Variants in CDH8 observed in about 807,000 individuals in gnomAD.
CDH8 encodes the protein cadherin-8.
In CDH8, 17 loss-of-function variants were observed where a neutral mutation model predicts 68.1. That is an observed-to-expected ratio of 0.25 (90% CI 0.17 to 0.37). The LOEUF (loss-of-function observed/expected upper bound fraction) is 0.37, where lower values mean the gene tolerates loss of function less well. CDH8 is among the 10% of genes least tolerant of loss of function. The pLI, the probability that CDH8 is intolerant of heterozygous loss-of-function variation, is 1.00. For missense variants in CDH8, 763 were observed against 999.3 expected (o/e 0.76, Z 3.19); for synonymous variants, 372 against 365.1 (o/e 1.02, Z -0.21).
chr16:61,998,239 G>GTAT (rs960575609), intron 2 of CDH8, among the ~76,000 whole-genome samples: 8 of 152,226 alleles, frequency 5.3e-5, no homozygotes, highest in South Asian at 4.1e-4. Context: ...TGAGATTCTT[G>GTAT]TATTATTATT....
At chr16:61,801,665 G>A (rs1424376864) in intron 7 of CDH8, among the ~76,000 whole-genome samples, 2 of 152,302 alleles carry the variant, frequency 1.3e-5, no homozygotes, top group African/African-American at 4.8e-5. Context: ...AAGCGCAAGG[G>A]GTCAGGGAGT....
At chr16:61,788,265 T>A (rs1018939358) in intron 8 of CDH8, among the ~76,000 whole-genome samples, 2 of 152,124 alleles carry the variant, frequency 1.3e-5, no homozygotes, top group Non-Finnish European at 2.9e-5. Context: ...AGTAATCATT[T>A]TTCACAGAGA....
chr16:61,944,543 A>T (rs1482893422), intron 2 of CDH8, among the ~76,000 whole-genome samples: 1 of 152,186 alleles, frequency 6.6e-6, no homozygotes, highest in Non-Finnish European at 1.5e-5. Context: ...TAAAATCAGG[A>T]ATAATTTTGG....
intron 2 of CDH8, among the ~76,000 whole-genome samples, chr16:62,013,657 AT>A (rs1389195196): frequency 1.3e-5 from 2 of 152,086 alleles, no homozygotes; most frequent in African/African-American, 2.4e-5. Context: ...ATAAATCTTA[AT>A]TTTTTAATGA....
chr16:61,876,152 G>A (rs1019760862), intron 3 of CDH8, among the ~76,000 whole-genome samples: 1 of 152,158 alleles, frequency 6.6e-6, no homozygotes, highest in African/African-American at 2.4e-5. Flanking sequence ...TGGAATTACA[G>A]GTGTGAGCCA....
rs1306127249 is a variant in CDH8, at chr16:61,733,262, A to G, written c.1415-6047T>C. Among the ~76,000 whole-genome samples the G allele has an allele frequency of 3.3e-5, 5 of 151,886 alleles. No homozygotes were observed. In the East Asian group the frequency reaches 9.7e-4, roughly 29 times the overall value. ...GCCCTGGAAGAACCACTAAAAACTT[A>G]CAAATATTTGTTACAAATAATTACA... is the stretch of plus-strand genomic sequence containing the variant. On this transcript the variant is annotated intron_variant, in intron 8 of 11. Transcript: ENST00000577390.
intron 8 of CDH8, among the ~76,000 whole-genome samples, chr16:61,752,055 C>T (rs1960181733): frequency 6.6e-6 from 1 of 152,042 alleles, no homozygotes; most frequent in East Asian, 1.9e-4. Flanking sequence ...ACATTCTACT[C>T]AGGGGGAAGA....
intron 2 of CDH8, among the ~76,000 whole-genome samples, chr16:61,954,980 C>T (rs971334520): frequency 2.0e-5 from 3 of 152,162 alleles, no homozygotes; most frequent in African/African-American, 2.4e-5. Context: ...CAGTAACCTT[C>T]TAAAGTGGGT....
At chr16:61,787,128 G>C (rs987787868) in intron 8 of CDH8, among the ~76,000 whole-genome samples, 4 of 151,552 alleles carry the variant, frequency 2.6e-5, no homozygotes, top group African/African-American at 9.7e-5. Context: ...CACAGCAAAA[G>C]AAACTACCAT....
intron 4 of CDH8, among the ~76,000 whole-genome samples, chr16:61,847,538 TTATATATA>T (rs56946081): frequency 0.058 from 7,862 of 136,666 alleles, 511 homozygotes; most frequent in African/African-American, 0.16. Context: ...TCCAATCATT[TTATATATA>T]TATATATATA....
At chr16:61,690,494 C>T (rs956180563) in intron 10 of CDH8, among the ~76,000 whole-genome samples, 10 of 152,106 alleles carry the variant, frequency 6.6e-5, no homozygotes, top group African/African-American at 1.9e-4. Context: ...TATCAATATG[C>T]ATGATAAGAT....
intron 2 of CDH8, among the ~76,000 whole-genome samples, chr16:61,922,120 T>A (rs370940423): frequency 1.3e-5 from 2 of 152,186 alleles, no homozygotes; most frequent in African/African-American, 4.8e-5. Context: ...TAAAACGAAG[T>A]CTCAATTTCT....
In CDH8 at chr16:61,653,721, C is replaced by G; in HGVS notation, c.2287G>C (p.Glu763Gln). ...TGGTCTGAGTCTGATGTGGTGGACT[C>G]CAAGGAGCTGAGGGAGCCAGCCACT... is the stretch of plus-strand genomic sequence containing the variant. ...GSVAGSLSSL[E>Q]STTSDSDQNF... The change falls in exon 12 of 12, where the codon GAG (glutamate) becomes CAG (glutamine). Residue 763 changes from glutamate to glutamine, a missense_variant. This residue lies in a region of CDH8 where 397 missense variants were observed against 436.2 expected (regional missense o/e 0.91). Coordinates refer to ENST00000577390, the MANE Select transcript of CDH8 (RefSeq NM_001796.5). 1 of 1,614,150 alleles carries G rather than the reference C, an allele frequency of 6.2e-7. No homozygotes were observed. The highest frequency in any genetic ancestry group is 1.7e-5 in the Admixed American group (1 of 60,022).
intron 2 of CDH8, among the ~76,000 whole-genome samples, chr16:61,909,984 T>A (rs1002958647): frequency 9.9e-5 from 15 of 152,178 alleles, no homozygotes; most frequent in African/African-American, 3.6e-4. Flanking sequence ...ACAACATGTG[T>A]CAGCCCTATA....
chr16:61,931,992 G>A (rs1372587949), intron 2 of CDH8, among the ~76,000 whole-genome samples: 1 of 152,056 alleles, frequency 6.6e-6, no homozygotes, highest in Non-Finnish European at 1.5e-5. Flanking sequence ...CGGATCACGA[G>A]GTCAGGAGAT....
chr16:61,861,626 T>A (rs566949192), intron 3 of CDH8, among the ~76,000 whole-genome samples: 2 of 152,214 alleles, frequency 1.3e-5, no homozygotes, highest in African/African-American at 4.8e-5. Context: ...TGTAATCACA[T>A]GAAGTATAGA....
In CDH8 at chr16:61,751,382, TAAAAAAAAAAA is replaced by T. The variant is rs71134375; in HGVS notation, c.1415-24178_1415-24168del. Among the ~76,000 whole-genome samples the T allele has an allele frequency of 5.9e-4, 32 of 54,158 alleles. 1 individual carries two copies. The highest frequency in any genetic ancestry group is 2.1e-3 in the South Asian group (2 of 948). 35.5% of individuals were successfully genotyped at this position (54,158 alleles called of 152,430 possible). Reference sequence around the variant, plus strand: ...CACAAATGTCCTTCCATATTCTCCTTAAAAAAAAAAAAAAAAAAAAAAAAAAAAACAAGCAG... The same window carrying T: ...CACAAATGTCCTTCCATATTCTCCTTAAAAAAAAAAAAAAAAAACAAGCAG... On this transcript the variant is annotated intron_variant, in intron 8 of 11. Transcript: ENST00000577390.
intron 9 of CDH8, among the ~76,000 whole-genome samples, chr16:61,714,523 A>G (rs1964687679): frequency 6.6e-6 from 1 of 151,636 alleles, no homozygotes; most frequent in African/African-American, 2.4e-5. Context: ...CATGCAAACA[A>G]TGCTTTGGAG....
At chr16:62,029,242 G>A (rs757951265) in intron 1 of CDH8, among the ~76,000 whole-genome samples, 1 of 152,060 alleles carries the variant, frequency 6.6e-6, no homozygotes, top group Non-Finnish European at 1.5e-5. Flanking sequence ...TGGATGTTTC[G>A]AGTGCTTAAC....
Sources: gnomAD v4.1 joint callset for allele counts (sites outside exome capture counted in the v4.1 genomes callset) on GRCh38, gnomAD v4.1.1 for gene constraint, gnomAD v4.1.1 regional missense constraint, MANE v1.5 for transcripts, NCBI Gene and HGNC (gene_info 2026-07-23, HGNC 2026-07-21) for gene names.